The following CADM2 variants were observed in gnomAD, a reference collection of about 807,000 sequenced individuals.
CADM2 encodes the protein cell adhesion molecule 2, also known as immunoglobulin superfamily member 4D.
In CADM2, 12 loss-of-function variants were observed where a neutral mutation model predicts 49.8. The observed-to-expected ratio is 0.24, with a 90% confidence interval of 0.15 to 0.39. The LOEUF (loss-of-function observed/expected upper bound fraction) is 0.39, where lower values mean the gene tolerates loss of function less well. Among genes scored for constraint, CADM2 ranks in the 10% least tolerant of loss-of-function variants. The pLI is 1.00. For synonymous variants in CADM2, 214 were observed against 175.4 expected (o/e 1.22, Z -1.74); for missense variants, 378 against 492.3 (o/e 0.77, Z 2.20).
chr3:85,784,713 T>C (rs989022036), intron 2 of CADM2, among the ~76,000 whole-genome samples: 7 of 152,158 alleles, frequency 4.6e-5, no homozygotes, highest in Admixed American at 3.9e-4. Flanking sequence ...TTTTTGCATC[T>C]ATGTTCATCA....
At chr3:85,867,784 T>C (rs572432428) in intron 3 of CADM2, among the ~76,000 whole-genome samples, 4 of 152,194 alleles carry the variant, frequency 2.6e-5, no homozygotes, top group Non-Finnish European at 5.9e-5. Flanking sequence ...TCTTGAATAG[T>C]GATAAAAACA....
At chr3:85,715,753 G>C (rs1365770750) in intron 1 of CADM2, among the ~76,000 whole-genome samples, 2 of 152,134 alleles carry the variant, frequency 1.3e-5, no homozygotes, top group African/African-American at 4.8e-5. Flanking sequence ...AGAACATGAG[G>C]CCTTTCGTTT....
intron 1 of CADM2, among the ~76,000 whole-genome samples, chr3:85,225,225 A>G (rs559391069): frequency 1.3e-5 from 2 of 152,230 alleles, no homozygotes; most frequent in African/African-American, 4.8e-5. Context: ...GGTTCTTCCT[A>G]TCCATGATCA....
At chr3:84,995,021 C>T (rs1485410544) in intron 1 of CADM2, among the ~76,000 whole-genome samples, 1 of 152,106 alleles carries the variant, frequency 6.6e-6, no homozygotes, top group Non-Finnish European at 1.5e-5. Context: ...CAGTGTGAGA[C>T]TCTGTCTCAA....
At chr3:85,025,895 T>C (rs1180541382) in intron 1 of CADM2, among the ~76,000 whole-genome samples, 4 of 151,994 alleles carry the variant, frequency 2.6e-5, no homozygotes, top group Admixed American at 1.3e-4. Context: ...CTTCTTTTAG[T>C]GGGTGAGAAA....
intron 1 of CADM2, among the ~76,000 whole-genome samples, chr3:85,291,075 A>G (rs1161609286): frequency 6.6e-6 from 1 of 152,162 alleles, no homozygotes; most frequent in African/African-American, 2.4e-5. Flanking sequence ...AGAATAACCA[A>G]TACAGAGAAG....
chr3:85,631,256 T>C (rs2064297044), intron 1 of CADM2, among the ~76,000 whole-genome samples: 1 of 152,056 alleles, frequency 6.6e-6, no homozygotes, highest in Non-Finnish European at 1.5e-5. Flanking sequence ...TTCTTCATCT[T>C]GTCCAGGACA....
intron 1 of CADM2, among the ~76,000 whole-genome samples, chr3:85,649,612 A>G (rs2064986779): frequency 6.6e-6 from 1 of 152,210 alleles, no homozygotes; most frequent in South Asian, 2.1e-4. Context: ...GAGAAAGCAG[A>G]TTTATGAGAT....
At chr3:85,768,362 C>T (rs1431398493) in intron 2 of CADM2, among the ~76,000 whole-genome samples, 5 of 151,644 alleles carry the variant, frequency 3.3e-5, no homozygotes, top group Admixed American at 1.3e-4. Flanking sequence ...AGGAGAATCA[C>T]GTGAACCCAG....
chr3:85,326,942 G>C (rs1175579966), intron 1 of CADM2, among the ~76,000 whole-genome samples: 4 of 150,098 alleles, frequency 2.7e-5, no homozygotes, highest in Non-Finnish European at 5.9e-5. Flanking sequence ...AGAAAGATTA[G>C]ATCAATTTTT....
chr3:85,951,839 G>A (rs949994186), intron 7 of CADM2, among the ~76,000 whole-genome samples: 13 of 150,918 alleles, frequency 8.6e-5, no homozygotes, highest in Non-Finnish European at 1.0e-4. Context: ...AGAGAAGATG[G>A]AAAAGTTGGG....
chr3:85,702,526 T>C (rs958088728), intron 1 of CADM2, among the ~76,000 whole-genome samples: 1 of 152,148 alleles, frequency 6.6e-6, no homozygotes, highest in African/African-American at 2.4e-5. Context: ...TCAATGTCTA[T>C]AGAAATGTTT....
In CADM2 at chr3:85,601,517, C is replaced by G. The variant is rs564943194; in HGVS notation, c.62-125005C>G. Reference sequence around the variant, plus strand: ...TTTCATAGAGTGTTTTTGTTTTTGTCATTTAAATACTTCCCATTTTAGATA... The same window carrying G: ...TTTCATAGAGTGTTTTTGTTTTTGTGATTTAAATACTTCCCATTTTAGATA... On this transcript the variant is annotated intron_variant, in intron 1 of 9. Transcript: ENST00000383699. Among the ~76,000 whole-genome samples the G allele has an allele frequency of 1.1e-4, 17 of 151,188 alleles. No individual in the cohort carries two copies. The South Asian group carries it at 3.5e-3, about 31-fold the overall frequency.
chr3:84,980,207 C>A (rs1259759967), intron 1 of CADM2, among the ~76,000 whole-genome samples: 1 of 152,130 alleles, frequency 6.6e-6, no homozygotes, highest in Non-Finnish European at 1.5e-5. Flanking sequence ...GGCTTAGCTG[C>A]CAACACAGTT....
chr3:85,372,337 TTA>T (rs150877241), intron 1 of CADM2, among the ~76,000 whole-genome samples: 1,966 of 149,332 alleles, frequency 0.013, 36 homozygotes, highest in African/African-American at 0.046. Context: ...TAGATGAAAT[TTA>T]TATATATATA....
chr3:85,619,245 A>C (rs2063897384), intron 1 of CADM2, among the ~76,000 whole-genome samples: 1 of 152,062 alleles, frequency 6.6e-6, no homozygotes, highest in South Asian at 2.1e-4. Flanking sequence ...GTTTCTTTAA[A>C]TTAGCAGAAA....
chr3:84,987,624 C>T (rs1220945738), intron 1 of CADM2, among the ~76,000 whole-genome samples: 1 of 152,100 alleles, frequency 6.6e-6, no homozygotes, highest in Non-Finnish European at 1.5e-5. Flanking sequence ...GGCCTTCAGT[C>T]AGTGGAGTGA....
intron 1 of CADM2, among the ~76,000 whole-genome samples, chr3:85,138,665 G>A (rs2039488969): frequency 6.6e-6 from 1 of 152,068 alleles, no homozygotes; most frequent in Non-Finnish European, 1.5e-5. Context: ...TGCTATGTTT[G>A]AAAAATAAAT....
rs117855831 is a variant in CADM2, at chr3:85,130,704, A to G, written c.61+171036A>G. ...AATTAATTATAGGCTCTTAAAATCC[A>G]TTGATTTTGTAAGTAGACTTCTATT... On this transcript the variant is annotated intron_variant, in intron 1 of 9. Coordinates refer to ENST00000383699, the MANE Select transcript of CADM2 (RefSeq NM_001167675.2). Among the ~76,000 whole-genome samples the G allele has an allele frequency of 3.2e-3, 490 of 152,316 alleles. 8 individuals carry two copies. The East Asian group carries it at 0.038, about 12-fold the overall frequency.
Sources: gnomAD v4.1 joint callset for allele counts (sites outside exome capture counted in the v4.1 genomes callset) on GRCh38, gnomAD v4.1.1 for gene constraint, MANE v1.5 for transcripts, NCBI Gene and HGNC (gene_info 2026-07-23, HGNC 2026-07-21) for gene names.